The following BSPH1 variants were observed in gnomAD, a reference collection of about 807,000 sequenced individuals.
BSPH1 encodes the protein binder of sperm protein homolog 1, also known as binder of sperm 1.
In BSPH1, 21 loss-of-function variants were observed where a neutral mutation model predicts 22.5. The ratio of observed to expected loss-of-function variants is 0.93; its 90% confidence interval spans 0.66 to 1.35. The LOEUF (loss-of-function observed/expected upper bound fraction) is 1.35. Ranked by LOEUF, BSPH1 falls within the 40% of genes most tolerant of loss-of-function variation. BSPH1 has a pLI of 0.00. For missense variants in BSPH1, 141 were observed against 154.2 expected (o/e 0.91, Z 0.45); for synonymous variants, 42 against 53.6 (o/e 0.78, Z 0.95).
intron 4 of BSPH1, among the ~76,000 whole-genome samples, 187 bp from the exon 5 acceptor site, chr19:47,977,041 G>A (rs1289890856): frequency 1.3e-5 from 2 of 152,132 alleles, no homozygotes; most frequent in Admixed American, 6.5e-5. Flanking sequence ...ACACACACAC[G>A]CGCAAATACA....
intron 1 of BSPH1, among the ~76,000 whole-genome samples, chr19:47,985,171 A>G (rs1969459374): frequency 6.6e-6 from 1 of 152,170 alleles, no homozygotes; most frequent in Non-Finnish European, 1.5e-5. Context: ...CCATTTATGC[A>G]ACATACTCAT....
intron 1 of BSPH1, among the ~76,000 whole-genome samples, chr19:47,981,443 C>T (rs1290372131): frequency 6.6e-6 from 1 of 152,216 alleles, no homozygotes; most frequent in Non-Finnish European, 1.5e-5. Context: ...AACGTCTTCT[C>T]TATCCTGGGC....
chr19:47,973,020 A>G (rs1329020078), intron 5 of BSPH1, among the ~76,000 whole-genome samples: 1 of 151,812 alleles, frequency 6.6e-6, no homozygotes, highest in Admixed American at 6.6e-5. Flanking sequence ...GATCGAGACC[A>G]TCCTGGCTAA....
At chr19:47,991,968 C>T in intron 1 of BSPH1, 41 bp downstream of exon 1, 2 of 1,323,062 alleles carry the variant, frequency 1.5e-6, no homozygotes, top group Non-Finnish European at 1.1e-6. Context: ...CAAAGTTAAG[C>T]TATCTACCTT....
chr19:47,975,472 C>T (rs918586894), intron 5 of BSPH1, among the ~76,000 whole-genome samples: 5 of 152,210 alleles, frequency 3.3e-5, no homozygotes, highest in African/African-American at 9.6e-5. Flanking sequence ...GCCCCAGTGG[C>T]TTTCCCTCAC....
At chr19:47,983,971 G>C (rs959583040) in intron 1 of BSPH1, among the ~76,000 whole-genome samples, 9 of 151,222 alleles carry the variant, frequency 6.0e-5, no homozygotes, top group Non-Finnish European at 8.8e-5. Flanking sequence ...CAAGTAGCTG[G>C]GACTACAGGT....
rs1054922379 is a variant in BSPH1, at chr19:47,984,676, T to C, written c.74-3735A>G. Among the ~76,000 whole-genome samples, 3 of 152,190 alleles carry C rather than the reference T, an allele frequency of 2.0e-5. No individual in the cohort carries two copies. The East Asian group carries it at 5.8e-4, about 29-fold the overall frequency. ...AAAACCAAATACCACATGTTCTCACTTATAAGTGGGAACTAAACATTGGGT... is the reference window on the plus strand; with the variant it reads ...AAAACCAAATACCACATGTTCTCACCTATAAGTGGGAACTAAACATTGGGT... On this transcript the variant is annotated intron_variant, in intron 1 of 5. Coordinates refer to ENST00000344839, the MANE Select transcript of BSPH1 (RefSeq NM_001128326.2).
At chr19:47,982,871 T>C (rs1184531099) in intron 1 of BSPH1, among the ~76,000 whole-genome samples, 1 of 152,194 alleles carries the variant, frequency 6.6e-6, no homozygotes, top group East Asian at 1.9e-4. Flanking sequence ...ACAAATATTA[T>C]ATGATTCTAC....
intron 5 of BSPH1, among the ~76,000 whole-genome samples, chr19:47,973,426 C>T (rs1969330930): frequency 6.6e-6 from 1 of 152,218 alleles, no homozygotes; most frequent in South Asian, 2.1e-4. Context: ...TAGGACAACT[C>T]ATCCATCTCT....
intron 5 of BSPH1, among the ~76,000 whole-genome samples, chr19:47,972,982 C>T (rs189465683): frequency 0.052 from 7,939 of 151,524 alleles, 300 homozygotes; most frequent in Non-Finnish European, 0.073. Context: ...CTTTGGGAGG[C>T]CGAGGCGGGT....
intron 5 of BSPH1, among the ~76,000 whole-genome samples, chr19:47,973,008 G>A (rs553678926): frequency 9.9e-5 from 15 of 151,850 alleles, no homozygotes; most frequent in African/African-American, 3.1e-4. Context: ...ACGAGGTCAG[G>A]AGATCGAGAC....
At chr19:47,987,093 T>G (rs1176069013) in intron 1 of BSPH1, among the ~76,000 whole-genome samples, 2 of 152,248 alleles carry the variant, frequency 1.3e-5, no homozygotes, top group Non-Finnish European at 2.9e-5. Flanking sequence ...GACTACATCT[T>G]AATTACCGAC....
chr19:47,977,367 A>G lies in BSPH1; in HGVS notation c.256+6T>C, dbSNP rs1304828740. On this transcript the variant is annotated splice_donor_region_variant and intron_variant, in intron 4 of 5. Transcript: ENST00000344839. The stretch of plus-strand genomic sequence containing the variant: ...GCTCTGAGGTATTTAGAGACAGGAC[A>G]CTCACCTTCTGCACTGCAAAACTTC... 6.4e-7 allele frequency: 1 copy of G among 1,550,652 alleles called. No individual in the cohort carries two copies. Among genetic ancestry groups the G allele is most frequent in the Admixed American group, 2.0e-5 (1 of 50,966 alleles).
chr19:47,981,885 G>A (rs1969423700), intron 1 of BSPH1: 1 of 219,230 alleles, frequency 4.6e-6, no homozygotes, highest in East Asian at 1.8e-4. Context: ...TTGTTACTTT[G>A]CATGGTTCCT....
chr19:47,971,103 G>T (rs141157428), intron 5 of BSPH1, among the ~76,000 whole-genome samples: 11 of 152,234 alleles, frequency 7.2e-5, no homozygotes, highest in African/African-American at 1.7e-4. Flanking sequence ...ATGGTGTTGG[G>T]ATCTCTAAAG....
intron 5 of BSPH1, among the ~76,000 whole-genome samples, chr19:47,970,553 A>G (rs1969302834): frequency 6.6e-6 from 1 of 152,208 alleles, no homozygotes; most frequent in South Asian, 2.1e-4. Flanking sequence ...GCAAGATCCT[A>G]ATGCTGTGTC....
intron 5 of BSPH1, among the ~76,000 whole-genome samples, chr19:47,968,893 A>C (rs1345480931): frequency 6.6e-6 from 1 of 150,984 alleles, no homozygotes; most frequent in Admixed American, 6.6e-5. Context: ...CAGCTACTCA[A>C]GAGGCTGAGG....
At chr19:47,991,923 C>A in intron 1 of BSPH1, 86 bp downstream of exon 1, 1 of 839,346 alleles carries the variant, frequency 1.2e-6, no homozygotes, top group Non-Finnish European at 1.9e-6. Context: ...CTTTCATCCC[C>A]ACCTTCTCCC....
intron 2 of BSPH1, among the ~76,000 whole-genome samples, 155 bp downstream of exon 2, chr19:47,980,766 T>G (rs1021652943): frequency 6.6e-6 from 1 of 152,076 alleles, no homozygotes; most frequent in East Asian, 1.9e-4. Flanking sequence ...TCTTAACATT[T>G]TTAACATGAA....
Sources: gnomAD v4.1 joint callset for allele counts (sites outside exome capture counted in the v4.1 genomes callset) on GRCh38, gnomAD v4.1.1 for gene constraint, MANE v1.5 for transcripts, NCBI Gene and HGNC (gene_info 2026-07-23, HGNC 2026-07-21) for gene names.